The following RSC1A1 variants were observed in gnomAD, a reference collection of about 807,000 sequenced individuals.
The protein encoded by RSC1A1 is regulatory solute carrier protein family 1 member 1.
In RSC1A1, 6 loss-of-function variants were observed where a neutral mutation model predicts 7.7. That is an observed-to-expected ratio of 0.78 (90% confidence interval 0.43 to 1.53). RSC1A1 has a LOEUF of 1.53. RSC1A1 is among the 40% of genes most tolerant of loss of function. The pLI is 0.01. For missense variants in RSC1A1, 729 were observed against 726.3 expected, an observed-to-expected ratio of 1.00 and a Z score of -0.04; for synonymous variants, 250 against 263.0, an observed-to-expected ratio of 0.95 and a Z score of 0.48.
chr1:15,660,529 C>T lies in RSC1A1; in HGVS notation c.661C>T (p.Leu221Phe), dbSNP rs1393772758. 6.2e-7 allele frequency: 1 copy of T among 1,613,122 alleles called. No individual in the cohort carries two copies. Among genetic ancestry groups the T allele is most frequent in the Admixed American group, 1.7e-5 (1 of 59,770 alleles). The change falls in exon 1 of 1, where the codon CTC (leucine) becomes TTC (phenylalanine). Residue 221 changes from leucine (L) to phenylalanine (F), a missense_variant. By Grantham distance (22) the Leu-to-Phe change is conservative. Coordinates refer to ENST00000345034, the MANE Select transcript of RSC1A1 (RefSeq NM_006511.3). ...GGAAGCTACGATGAAAGGAAATGGG[C>T]TCCCACAGAATGTGGATCCTCCAAG... Reference protein sequence around the residue: ...DLEATMKGNGLPQNVDPPSAK... With the variant: ...DLEATMKGNGFPQNVDPPSAK...
In RSC1A1 at chr1:15,661,992, A is replaced by G. The variant is rs1362715841; in HGVS notation, c.*270A>G. On this transcript the variant is annotated 3_prime_UTR_variant, in exon 1 of 1. Coordinates refer to ENST00000345034, the MANE Select transcript of RSC1A1 (RefSeq NM_006511.3). ...CATACAGAAGCTTTTTATTCTCATT[A>G]AGATGTATCCTGGAATAAAATGGAT... The G allele has an allele frequency of 1.5e-5, 5 of 326,550 alleles. No individual in the cohort carries two copies. Among genetic ancestry groups the G allele is most frequent in the Non-Finnish European group, 2.2e-5 (4 of 180,190 alleles). The allele number at this position is 326,550 out of a possible 1,614,324, so 20.2% of individuals were successfully genotyped here.
In RSC1A1 at chr1:15,661,799, C is replaced by A. The variant is rs1640387712; in HGVS notation, c.*77C>A. 1.4e-6 allele frequency: 2 copies of A among 1,476,118 alleles called. No individual in the cohort carries two copies. Among genetic ancestry groups the A allele is most frequent in the African/African-American group, 1.4e-5 (1 of 70,724 alleles). The allele number at this position is 1,476,118 out of a possible 1,614,324, so 91.4% of individuals were successfully genotyped here. A position where few individuals can be genotyped will look rare whatever the true frequency, so the allele number is the denominator to read the frequency against. On this transcript the variant is annotated 3_prime_UTR_variant, in exon 1 of 1. Transcript: ENST00000345034. ...CTCTCTCTATATACACGCACACATA[C>A]ACACTCACCACATATACAGTATATA...
In RSC1A1 at chr1:15,661,103, C is replaced by G; in HGVS notation, c.1235C>G (p.Pro412Arg). Reference sequence around the variant, plus strand: ...CATCTTACCCAGAATGAACAGTGTCCACAAGTCTCCTTTCATCAGGCCATA... The same window carrying G: ...CATCTTACCCAGAATGAACAGTGTCGACAAGTCTCCTTTCATCAGGCCATA... Reference protein sequence around the residue: ...NEHLTQNEQCPQVSFHQAISV... With the variant: ...NEHLTQNEQCRQVSFHQAISV... The change falls in exon 1 of 1, where the codon CCA (proline) becomes CGA (arginine). Residue 412 changes from proline (P) to arginine (R), a missense_variant. Physicochemically the swap from Pro to Arg is moderately radical, Grantham distance 103. Transcript: ENST00000345034. The G allele has an allele frequency of 6.2e-7, 1 of 1,613,798 alleles. No individual in the cohort carries two copies. The highest frequency in any genetic ancestry group is 1.6e-4 in the Middle Eastern group (1 of 6,062).
At position 15,660,698 on chromosome 1, in the gene RSC1A1, C is replaced by T. The variant is rs1172622842; in HGVS notation, c.830C>T (p.Ala277Val). 1.2e-6 allele frequency: 2 copies of T among 1,613,964 alleles called. No individual in the cohort carries two copies. Among genetic ancestry groups the T allele is most frequent in the African/African-American group, 2.7e-5 (2 of 74,924 alleles). The part of the protein sequence containing the change: ...RQNANVKNIG[A>V]LDLTLDNPLM... ...AATGCCAATGTCAAGAACATTGGTG[C>T]ATTGGATCTCACTTTAGATAATCCC... Residue 277 changes from alanine (A) to valine (V), a missense_variant, in exon 1 of 1, where the codon GCA (alanine) becomes GTA (valine). Coordinates refer to ENST00000345034, the MANE Select transcript of RSC1A1 (RefSeq NM_006511.3).
At position 15,660,785 on chromosome 1, in the gene RSC1A1, C is replaced by G; in HGVS notation, c.917C>G (p.Ser306Cys). 1 of 1,614,042 alleles carries G rather than the reference C, an allele frequency of 6.2e-7. No homozygotes were observed. Among genetic ancestry groups the G allele is most frequent in the Non-Finnish European group, 8.5e-7 (1 of 1,180,012 alleles). The change falls in exon 1 of 1, where the codon TCC (serine) becomes TGC (cysteine). Residue 306 changes from serine to cysteine, a missense_variant. By Grantham distance (112) the Ser-to-Cys change is moderately radical (BLOSUM62 -1). Transcript: ENST00000345034. Reference protein sequence around the residue: ...PSSEILNDSISTQDLQPPETN... With the variant: ...PSSEILNDSICTQDLQPPETN... ...TCTGAAATTTTGAATGATTCCATTT[C>G]CACTCAGGATTTACAGCCCCCAGAA...
Position 15,659,787 on chromosome 1 carries a change from A to AAT in RSC1A1, c.-82_-81insAT. The AAT allele has an allele frequency of 6.8e-7, 1 of 1,474,444 alleles. No individual in the cohort carries two copies. The allele number at this position is 1,474,444 out of a possible 1,614,324, so 91.3% of individuals were successfully genotyped here. A position where few individuals can be genotyped will look rare whatever the true frequency, so the allele number is the denominator to read the frequency against. On this transcript the variant is annotated 5_prime_UTR_variant, in exon 1 of 1. Transcript: ENST00000345034. ...TTGTATCCTCTGGTAATTTAGTGGCATTAGTCACCTGCTAATTAATCTTTT... is the reference window on the plus strand; with the variant it reads ...TTGTATCCTCTGGTAATTTAGTGGCAATTTAGTCACCTGCTAATTAATCTTTT...
Position 15,661,726 on chromosome 1 carries a change from T to C in RSC1A1, c.*4T>C, listed in dbSNP as rs762758874. ...AAACATCGTAGTTCCTACATGACTG[T>C]GGGAAAGTGGGCTAGACCGTTCTCC... On this transcript the variant is annotated 3_prime_UTR_variant, in exon 1 of 1. Transcript: ENST00000345034. The C allele has an allele frequency of 1.0e-5, 16 of 1,600,660 alleles. No homozygotes were observed.
At position 15,660,435 on chromosome 1, in the gene RSC1A1, T is replaced by C. The variant is rs769208220; in HGVS notation, c.567T>C (p.Tyr189=). The part of the protein sequence containing the change: ...AQQKASHDQE[Y]LCNIGDLELP... ...AAAAAGCTTCACATGACCAAGAATA[T>C]CTTTGTAACATAGGGGACCTTGAGC... The change falls in exon 1 of 1, where the codon TAT becomes TAC. Residue 189 remains tyrosine (Y), a synonymous_variant. Coordinates refer to ENST00000345034, the MANE Select transcript of RSC1A1 (RefSeq NM_006511.3). The C allele has an allele frequency of 6.2e-7, 1 of 1,613,946 alleles. No individual in the cohort carries two copies. Among genetic ancestry groups the C allele is most frequent in the Non-Finnish European group, 8.5e-7 (1 of 1,179,990 alleles).
rs770246488 is a variant in RSC1A1, at chr1:15,659,895, G to C, written c.27G>C (p.Gly9=). The C allele has an allele frequency of 6.3e-7, 1 of 1,599,614 alleles. No homozygotes were observed. Among genetic ancestry groups the C allele is most frequent in the Non-Finnish European group, 8.5e-7 (1 of 1,174,994 alleles). The change falls in exon 1 of 1, where the codon GGG becomes GGC. Residue 9 remains glycine, a synonymous_variant. Coordinates refer to ENST00000345034, the MANE Select transcript of RSC1A1 (RefSeq NM_006511.3). Reference sequence around the variant, plus strand: ...TGTCATCATTACCAACTTCAGATGGGTTTAACCATCCCGCCCGTTCTTCAG... The same window carrying C: ...TGTCATCATTACCAACTTCAGATGGCTTTAACCATCCCGCCCGTTCTTCAG... MSSLPTSD[G]FNHPARSSGQ...
rs757959080 is a variant in RSC1A1 at position 15,661,648 on chromosome 1, T to G, written c.1780T>G (p.Leu594Val). ...TACTTTGCAGGAAGCTCTTGGAGCT[T>G]TGCATCGAGTTGGTGGGAATGCAGA... ...GFTLQEALGA[L>V]HRVGGNADLA... Residue 594 changes from leucine to valine, a missense_variant, in exon 1 of 1, where the codon TTG becomes GTG. By Grantham distance (32) the Leu-to-Val change is conservative. Transcript: ENST00000345034. 6.2e-7 allele frequency: 1 copy of G among 1,614,204 alleles called. No individual in the cohort carries two copies. The highest frequency in any genetic ancestry group is 8.5e-7 in the Non-Finnish European group (1 of 1,180,030).
Position 15,660,944 on chromosome 1 carries a change from T to C in RSC1A1, c.1076T>C (p.Leu359Pro). The part of the protein sequence containing the change: ...CPSITAALKE[L>P]HELLVVSSKP... ...TCTATAACGGCAGCCTTGAAAGAAC[T>C]TCATGAACTTTTGGTTGTTAGCAGT... The change falls in exon 1 of 1, where the codon CTT (leucine) becomes CCT (proline). Residue 359 changes from leucine (L) to proline (P), a missense_variant. Transcript: ENST00000345034. 1 of 1,613,302 alleles carries C rather than the reference T, an allele frequency of 6.2e-7. No homozygotes were observed. Among genetic ancestry groups the C allele is most frequent in the Non-Finnish European group, 8.5e-7 (1 of 1,179,752 alleles).
Position 15,660,714 on chromosome 1 carries a change from A to T in RSC1A1, c.846A>T (p.Leu282Phe). 2 of 1,614,024 alleles carry T rather than the reference A, an allele frequency of 1.2e-6. No homozygotes were observed. Among genetic ancestry groups the T allele is most frequent in the East Asian group, 2.2e-5 (1 of 44,882 alleles). The change falls in exon 1 of 1, where the codon TTA becomes TTT. Residue 282 changes from leucine (L) to phenylalanine (F), a missense_variant. Physicochemically the swap from Leu to Phe is conservative, Grantham distance 22. Transcript: ENST00000345034. ...ACATTGGTGCATTGGATCTCACTTT[A>T]GATAATCCCTTGATGGAAGTAGAAA... ...VKNIGALDLT[L>F]DNPLMEVETS...
At position 15,661,737 on chromosome 1, in the gene RSC1A1, G is replaced by A. The variant is rs1640385488; in HGVS notation, c.*15G>A. The A allele has an allele frequency of 6.3e-7, 1 of 1,589,434 alleles. No individual in the cohort carries two copies. The highest frequency in any genetic ancestry group is 1.2e-5 in the South Asian group (1 of 86,868). On this transcript the variant is annotated 3_prime_UTR_variant, in exon 1 of 1. Coordinates refer to ENST00000345034, the MANE Select transcript of RSC1A1 (RefSeq NM_006511.3). ...TTCCTACATGACTGTGGGAAAGTGG[G>A]CTAGACCGTTCTCCATTCCCTTTAA...
In RSC1A1 at chr1:15,660,225, G is replaced by A; in HGVS notation, c.357G>A (p.Gln119=). The change falls in exon 1 of 1, where the codon CAG becomes CAA. Residue 119 remains glutamine, a synonymous_variant. Transcript: ENST00000345034. ...NLEKSAERST[Q]GLKFHLHTRQ... is the part of the protein sequence containing the mutation. ...AGAAATCTGCTGAAAGAAGCACCCA[G>A]GGCCTCAAATTTCATCTCCATACAA... 1 of 1,614,160 alleles carries A rather than the reference G, an allele frequency of 6.2e-7. No homozygotes were observed. The highest frequency in any genetic ancestry group is 1.1e-5 in the South Asian group (1 of 91,082).
rs147667349 is a variant in RSC1A1, at chr1:15,660,422, A to G, written c.554A>G (p.His185Arg). The G allele has an allele frequency of 1.4e-4, 223 of 1,614,070 alleles. No homozygotes were observed. In the African/African-American group the frequency reaches 2.7e-3, roughly 19 times the overall value. ...GAGGTTGCACAACAAAAAGCTTCAC[A>G]TGACCAAGAATATCTTTGTAACATA... ...QYEVAQQKAS[H>R]DQEYLCNIGD... is the part of the protein sequence containing the mutation. The change falls in exon 1 of 1, where the codon CAT becomes CGT. Residue 185 changes from histidine to arginine, a missense_variant. Coordinates refer to ENST00000345034, the MANE Select transcript of RSC1A1 (RefSeq NM_006511.3).
rs779050151 is a variant in RSC1A1, at chr1:15,661,010, A to T, written c.1142A>T (p.Gln381Leu). ...AATACATCTGAAGAAGTAATCTGTC[A>T]ATCAGAAACCATAGCTGAGGGCCAA... Reference protein sequence around the residue: ...SENTSEEVICQSETIAEGQTS... With the variant: ...SENTSEEVICLSETIAEGQTS... The change falls in exon 1 of 1, where the codon CAA becomes CTA. Residue 381 changes from glutamine to leucine, a missense_variant. Transcript: ENST00000345034. 6.2e-7 allele frequency: 1 copy of T among 1,614,076 alleles called. No individual in the cohort carries two copies. The highest frequency in any genetic ancestry group is 1.1e-5 in the South Asian group (1 of 91,050).
chr1:15,660,209 C>A lies in RSC1A1; in HGVS notation c.341C>A (p.Ala114Asp). Residue 114 changes from alanine (A) to aspartate (D), a missense_variant, in exon 1 of 1, where the codon GCT (alanine) becomes GAT (aspartate). Coordinates refer to ENST00000345034, the MANE Select transcript of RSC1A1 (RefSeq NM_006511.3). ...GTTGCAGGTAATCTGGAGAAATCTG[C>A]TGAAAGAAGCACCCAGGGCCTCAAA... ...ITVAGNLEKS[A>D]ERSTQGLKFH... 6.2e-7 allele frequency: 1 copy of A among 1,614,208 alleles called. No individual in the cohort carries two copies. The highest frequency in any genetic ancestry group is 8.5e-7 in the Non-Finnish European group (1 of 1,180,036).
chr1:15,660,727 A>G lies in RSC1A1; in HGVS notation c.859A>G (p.Met287Val), dbSNP rs1354585930. 3 of 1,613,760 alleles carry G rather than the reference A, an allele frequency of 1.9e-6. No homozygotes were observed. Among genetic ancestry groups the G allele is most frequent in the South Asian group, 1.1e-5 (1 of 90,988 alleles). The change falls in exon 1 of 1, where the codon ATG becomes GTG. Residue 287 changes from methionine to valine, a missense_variant. Physicochemically the swap from Met to Val is conservative, Grantham distance 21 (BLOSUM62 1). Transcript: ENST00000345034. ...ALDLTLDNPLMEVETSKCNPS... is the reference protein window; with the variant it reads ...ALDLTLDNPLVEVETSKCNPS... ...GGATCTCACTTTAGATAATCCCTTGATGGAAGTAGAAACATCAAAATGTAA... is the reference window on the plus strand; with the variant it reads ...GGATCTCACTTTAGATAATCCCTTGGTGGAAGTAGAAACATCAAAATGTAA...
At position 15,661,693 on chromosome 1, in the gene RSC1A1, C is replaced by T; in HGVS notation, c.1825C>T (p.Leu609Phe). The change falls in exon 1 of 1, where the codon CTC becomes TTC. Residue 609 changes from leucine to phenylalanine, a missense_variant. Coordinates refer to ENST00000345034, the MANE Select transcript of RSC1A1 (RefSeq NM_006511.3). ...TGCAGACCTTGCACTTCTTGTTTTG[C>T]TCGCAAAAAACATCGTAGTTCCTAC... ...GNADLALLVL[L>F]AKNIVVPT 6.2e-7 allele frequency: 1 copy of T among 1,609,414 alleles called. No homozygotes were observed. Among genetic ancestry groups the T allele is most frequent in the Non-Finnish European group, 8.5e-7 (1 of 1,177,980 alleles).
Sources: gnomAD v4.1 joint callset for allele counts on GRCh38, gnomAD v4.1.1 for gene constraint, MANE v1.5 for transcripts, NCBI Gene and HGNC (gene_info 2026-07-23, HGNC 2026-07-21) for gene names.